Variants in EGFR observed in about 807,000 individuals in gnomAD.
The protein encoded by EGFR is avian erythroblastic leukemia viral (v-erb-b) oncogene homolog.
In EGFR, 58 loss-of-function variants were observed where a neutral mutation model predicts 143.0. The ratio of observed to expected loss-of-function variants is 0.41; its 90% CI spans 0.33 to 0.50. EGFR has a LOEUF of 0.50. Ranked by LOEUF, EGFR falls within the 20% of genes least tolerant of loss-of-function variation. The pLI is 0.39. For synonymous variants in EGFR, 613 were observed against 594.4 expected (o/e 1.03, Z -0.45); for missense variants, 1,307 against 1,579.0 (o/e 0.83, Z 2.92).
At chr7:55,174,247 A>G (rs898455297) in intron 18 of EGFR, among the ~76,000 whole-genome samples, 2 of 152,240 alleles carry the variant, frequency 1.3e-5, no homozygotes, top group East Asian at 3.9e-4. Flanking sequence ...CTGTGAGACC[A>G]ATTCACAGAC....
chr7:55,205,112 C>A, intron 27 of EGFR, 144 bp from the exon 28 acceptor site: 1 of 1,248,878 alleles, frequency 8.0e-7, no homozygotes, highest in South Asian at 1.4e-5. Context: ...TCTTTTGCAG[C>A]AACAGCAAGA....
At position 55,200,336 on chromosome 7, in the gene EGFR, A is replaced by G; in HGVS notation, c.2869A>G (p.Ser957Gly). 1 of 1,614,164 alleles carries G rather than the reference A, an allele frequency of 6.2e-7. No homozygotes were observed. The highest frequency in any genetic ancestry group is 1.1e-5 in the South Asian group (1 of 91,080). ...MVKCWMIDAD[S>G]RPKFRELIIE... ...CCCAGGCTGGATGATAGACGCAGATAGTCGCCCAAAGTTCCGTGAGTTGAT... is the reference window on the plus strand; with the variant it reads ...CCCAGGCTGGATGATAGACGCAGATGGTCGCCCAAAGTTCCGTGAGTTGAT... Residue 957 changes from serine to glycine, a missense_variant, in exon 24 of 28, where the codon AGT becomes GGT. Ser to Gly is a moderately conservative substitution (Grantham distance 56). Around this residue, in one of 7 missense-constraint regions of EGFR, gnomAD observed 348 missense variants for 451.5 expected, o/e 0.77. Transcript: ENST00000275493.
chr7:55,191,140 G>A (rs1165588646), intron 20 of EGFR, among the ~76,000 whole-genome samples: 1 of 152,170 alleles, frequency 6.6e-6, no homozygotes, highest in Non-Finnish European at 1.5e-5. Context: ...GGCAGCCAGG[G>A]AGGTGGGGAG....
intron 1 of EGFR, among the ~76,000 whole-genome samples, chr7:55,128,954 G>A (rs113824258): frequency 7.9e-4 from 120 of 152,300 alleles, no homozygotes; most frequent in Middle Eastern, 3.4e-3. Context: ...CACATCTGTT[G>A]AAAACTTATA....
chr7:55,143,613 A>G lies in EGFR; in HGVS notation c.424+125A>G, dbSNP rs1480138048. On this transcript the variant is annotated intron_variant, in intron 3 of 27. Coordinates refer to ENST00000275493, the MANE Select transcript of EGFR (RefSeq NM_005228.5). ...TTTTATTTTTACCCAGTACACGTGC[A>G]CTGAGTGCCGGCTGTGTGTAAGATA... The G allele has an allele frequency of 9.5e-6, 10 of 1,051,466 alleles. No homozygotes were observed. The South Asian group carries it at 1.2e-4, about 13-fold the overall frequency. 65.1% of individuals were successfully genotyped at this position (1,051,466 alleles called of 1,614,324 possible).
In EGFR at chr7:55,199,488, C is replaced by T. The variant is rs17337430; in HGVS notation, c.2848+625C>T. Among the ~76,000 whole-genome samples, 516 of 152,288 alleles carry T rather than the reference C, an allele frequency of 3.4e-3. 7 individuals carry two copies. The highest frequency in any genetic ancestry group is 0.012 in the African/African-American group (488 of 41,542). On this transcript the variant is annotated intron_variant, in intron 23 of 27. Transcript: ENST00000275493. ...GCCAAGTTAATGTAAATATTAATGC[C>T]TTTCTGAACTCTAGGCCACAGAGTT...
chr7:55,112,200 G>A (rs941588146), intron 1 of EGFR, among the ~76,000 whole-genome samples: 14 of 152,240 alleles, frequency 9.2e-5, no homozygotes, highest in Admixed American at 2.0e-4. Context: ...ACCCCTTCGG[G>A]TCTCATTGTG....
At chr7:55,136,846 G>A (rs1794173574) in intron 1 of EGFR, among the ~76,000 whole-genome samples, 1 of 152,134 alleles carries the variant, frequency 6.6e-6, no homozygotes, top group Admixed American at 6.5e-5. Flanking sequence ...CAGCATTTTG[G>A]GGATATTGTG....
chr7:55,092,983 A>G (rs1391660821), intron 1 of EGFR, among the ~76,000 whole-genome samples: 1 of 152,268 alleles, frequency 6.6e-6, no homozygotes, highest in Non-Finnish European at 1.5e-5. Flanking sequence ...AGCCACATGG[A>G]CAGAGTTCAT....
At chr7:55,094,006 TGAGAACTCACAGTA>T (rs1791290417) in intron 1 of EGFR, among the ~76,000 whole-genome samples, 1 of 152,194 alleles carries the variant, frequency 6.6e-6, no homozygotes, top group African/African-American at 2.4e-5. Flanking sequence ...GTGCAGCCAC[TGAGAACTCACAGTA>T]GAGCGTGTGT....
intron 20 of EGFR, among the ~76,000 whole-genome samples, chr7:55,184,953 A>G (rs549231090): frequency 1.3e-5 from 2 of 152,372 alleles, no homozygotes; most frequent in South Asian, 4.1e-4. Context: ...GTGGCTGACC[A>G]GAAACTAAAC....
At chr7:55,059,224 C>T (rs900163176) in intron 1 of EGFR, among the ~76,000 whole-genome samples, 3 of 152,208 alleles carry the variant, frequency 2.0e-5, no homozygotes, top group African/African-American at 7.2e-5. Flanking sequence ...CTCCTTGGCA[C>T]CAGCTGGTAT....
chr7:55,095,964 T>C (rs1791443760), intron 1 of EGFR, among the ~76,000 whole-genome samples: 1 of 140,338 alleles, frequency 7.1e-6, no homozygotes, highest in Non-Finnish European at 1.5e-5. Context: ...CAGACAGACA[T>C]ACACACAGAC....
intron 1 of EGFR, chr7:55,119,196 G>A (rs1428930508): frequency 6.6e-6 from 1 of 152,066 alleles, no homozygotes. Flanking sequence ...TTGAGAGAGT[G>A]CCCTCCTAAT....
At chr7:55,037,592 G>A (rs1222068019) in intron 1 of EGFR, among the ~76,000 whole-genome samples, 1 of 152,240 alleles carries the variant, frequency 6.6e-6, no homozygotes, top group Non-Finnish European at 1.5e-5. Context: ...GAGTGATGCA[G>A]TAGACAGCAA....
At chr7:55,184,789 G>A (rs1787058395) in intron 20 of EGFR, among the ~76,000 whole-genome samples, 1 of 152,166 alleles carries the variant, frequency 6.6e-6, no homozygotes, top group Admixed American at 6.5e-5. Flanking sequence ...TTGAATAGTT[G>A]CAATGATGGA....
At chr7:55,185,779 C>G (rs1002137724) in intron 20 of EGFR, among the ~76,000 whole-genome samples, 7 of 152,230 alleles carry the variant, frequency 4.6e-5, no homozygotes, top group African/African-American at 1.2e-4. Flanking sequence ...CTGGCTTACA[C>G]ATGGCACTCT....
chr7:55,026,180 G>A (rs868722494), intron 1 of EGFR, among the ~76,000 whole-genome samples: 3 of 152,152 alleles, frequency 2.0e-5, no homozygotes, highest in Non-Finnish European at 2.9e-5. Context: ...ATTACATGTT[G>A]TATGTAGCTC....
chr7:55,191,328 C>G (rs1267799889), intron 20 of EGFR, among the ~76,000 whole-genome samples: 2 of 152,084 alleles, frequency 1.3e-5, no homozygotes, highest in Non-Finnish European at 2.9e-5. Flanking sequence ...TCCTTTGCAC[C>G]AGCTTGGTGA....
Sources: allele counts gnomAD v4.1 joint callset (sites outside exome capture counted in the v4.1 genomes callset), GRCh38; gene constraint gnomAD v4.1.1; regional missense constraint gnomAD v4.1.1; transcripts MANE v1.5; gene names NCBI Gene and HGNC (gene_info 2026-07-23, HGNC 2026-07-21).